Variants in GMDS observed in about 807,000 individuals in gnomAD.
GMDS encodes GDP-mannose 4,6 dehydratase.
GMDS carries 20 observed loss-of-function variants against 49.9 expected under a neutral mutation model. That is an observed-to-expected ratio of 0.40 (90% CI 0.28 to 0.58). The LOEUF (loss-of-function observed/expected upper bound fraction) is 0.58. Among genes scored for constraint, GMDS ranks in the 20% least tolerant of loss-of-function variants. The probability of loss-of-function intolerance (pLI) is 0.42; values close to 1 mark genes in which losing one functional copy is unlikely to be tolerated. For missense variants in GMDS, 362 were observed against 481.4 expected (o/e 0.75, Z 2.32); for synonymous variants, 177 against 178.6 (o/e 0.99, Z 0.07).
chr6:2,122,533 T>C (rs1053683937), intron 2 of GMDS, among the ~76,000 whole-genome samples: 3 of 145,798 alleles, frequency 2.1e-5, no homozygotes, highest in South Asian at 2.1e-4. Flanking sequence ...CTGCAGCTGA[T>C]AATTTGGGAA....
intron 7 of GMDS, among the ~76,000 whole-genome samples, chr6:1,801,384 T>C (rs530881709): frequency 6.6e-6 from 1 of 152,364 alleles, no homozygotes; most frequent in East Asian, 1.9e-4. Context: ...CTGGTAGCTA[T>C]TCAGTAGATA....
intron 4 of GMDS, among the ~76,000 whole-genome samples, chr6:2,067,819 C>T (rs1430146587): frequency 3.9e-5 from 6 of 152,204 alleles, no homozygotes; most frequent in East Asian, 1.9e-4. Flanking sequence ...GATTCACAGC[C>T]GAATTCTACC....
intron 9 of GMDS, among the ~76,000 whole-genome samples, chr6:1,644,984 G>A (rs1432527028): frequency 6.6e-6 from 1 of 150,892 alleles, no homozygotes; most frequent in Non-Finnish European, 1.5e-5. Context: ...CGCCCAGCCT[G>A]GAGTGCAGTG....
chr6:2,012,936 T>C (rs1178857085), intron 4 of GMDS, among the ~76,000 whole-genome samples: 1 of 152,150 alleles, frequency 6.6e-6, no homozygotes, highest in Non-Finnish European at 1.5e-5. Context: ...TAACAAAAAC[T>C]TGCCTTCTCA....
intron 1 of GMDS, among the ~76,000 whole-genome samples, chr6:2,196,535 A>G (rs193161364): frequency 1.2e-4 from 19 of 152,342 alleles, no homozygotes; most frequent in African/African-American, 4.1e-4. Context: ...TGATGCCTAC[A>G]GTAAACATAG....
intron 4 of GMDS, among the ~76,000 whole-genome samples, chr6:2,008,875 TTTTGTG>T (rs1316022916): frequency 4.6e-5 from 7 of 152,262 alleles, no homozygotes; most frequent in Admixed American, 3.9e-4. Flanking sequence ...CATTTTTTGG[TTTTGTG>T]TTTAAGTTTC....
At chr6:2,019,878 A>G (rs1298670163) in intron 4 of GMDS, among the ~76,000 whole-genome samples, 2 of 152,198 alleles carry the variant, frequency 1.3e-5, no homozygotes, top group Non-Finnish European at 2.9e-5. Flanking sequence ...CTGATATGCT[A>G]TATTACAGTA....
intron 7 of GMDS, among the ~76,000 whole-genome samples, chr6:1,915,802 A>G (rs1416438287): frequency 6.6e-6 from 1 of 152,222 alleles, no homozygotes; most frequent in Non-Finnish European, 1.5e-5. Context: ...CTGTGAAAGT[A>G]AGCTTGTAAA....
intron 7 of GMDS, among the ~76,000 whole-genome samples, chr6:1,758,686 G>C (rs1288067923): frequency 1.3e-5 from 2 of 152,206 alleles, no homozygotes; most frequent in Non-Finnish European, 2.9e-5. Context: ...GGAGGCTGCT[G>C]ATCTGGGAAG....
intron 9 of GMDS, among the ~76,000 whole-genome samples, chr6:1,687,337 G>A (rs6916770): frequency 0.22 from 34,080 of 152,182 alleles, 4,051 homozygotes; most frequent in East Asian, 0.49. Context: ...ACCTGGAAGT[G>A]GCGCAGGCCT....
intron 4 of GMDS, among the ~76,000 whole-genome samples, chr6:2,042,319 C>T (rs2127428811): frequency 6.6e-6 from 1 of 152,282 alleles, no homozygotes; most frequent in East Asian, 1.9e-4. Flanking sequence ...TTCCTGGCCT[C>T]TTTTCTTCTC....
At chr6:1,790,318 C>A (rs970021140) in intron 7 of GMDS, among the ~76,000 whole-genome samples, 1 of 152,184 alleles carries the variant, frequency 6.6e-6, no homozygotes, top group African/African-American at 2.4e-5. Context: ...TGAATGCCTC[C>A]AAAGTCTCCA....
chr6:2,130,818 TA>T (rs200512799), intron 1 of GMDS, among the ~76,000 whole-genome samples: 10 of 133,098 alleles, frequency 7.5e-5, no homozygotes, highest in African/African-American at 1.7e-4. Flanking sequence ...AAGATTAATT[TA>T]AAAAAAAATA....
intron 7 of GMDS, among the ~76,000 whole-genome samples, chr6:1,924,789 C>A (rs939297056): frequency 6.6e-6 from 1 of 152,166 alleles, no homozygotes. Flanking sequence ...CGCATTGCCA[C>A]TAGAGTGTTC....
intron 9 of GMDS, among the ~76,000 whole-genome samples, chr6:1,718,859 A>G (rs966340522): frequency 6.6e-6 from 1 of 151,854 alleles, no homozygotes; most frequent in Non-Finnish European, 1.5e-5. Context: ...TATATTTTAA[A>G]TGTGCATGGT....
intron 1 of GMDS, among the ~76,000 whole-genome samples, chr6:2,219,635 T>C (rs1211696049): frequency 6.6e-6 from 1 of 152,162 alleles, no homozygotes; most frequent in Non-Finnish European, 1.5e-5. Context: ...TTTACTCTCA[T>C]TTTCTGTACT....
At chr6:2,018,039 A>G (rs1768018159) in intron 4 of GMDS, among the ~76,000 whole-genome samples, 1 of 152,200 alleles carries the variant, frequency 6.6e-6, no homozygotes, top group Admixed American at 6.5e-5. Flanking sequence ...TCTGCCATCC[A>G]TAGTCTTCCT....
At chr6:2,159,626 C>T (rs1777291182) in intron 1 of GMDS, among the ~76,000 whole-genome samples, 1 of 148,812 alleles carries the variant, frequency 6.7e-6, no homozygotes, top group South Asian at 2.1e-4. Context: ...TCAAGCAATG[C>T]TCCTGCCTCA....
chr6:1,811,707 C>T (rs575349136), intron 7 of GMDS, among the ~76,000 whole-genome samples: 2 of 152,204 alleles, frequency 1.3e-5, no homozygotes, highest in South Asian at 4.2e-4. Flanking sequence ...ACTGCTCATC[C>T]TCCACTGCCA....
Sources: gnomAD v4.1 joint callset for allele counts (sites outside exome capture counted in the v4.1 genomes callset) on GRCh38, gnomAD v4.1.1 for gene constraint, MANE v1.5 for transcripts, NCBI Gene and HGNC (gene_info 2026-07-23, HGNC 2026-07-21) for gene names.